The following HERC1 variants were observed in gnomAD, a reference collection of about 807,000 sequenced individuals.
The protein encoded by HERC1 is probable E3 ubiquitin-protein ligase HERC1.
Under a neutral mutation model 554.3 loss-of-function variants are expected in HERC1, and 160 were observed. The observed-to-expected ratio is 0.29, with a 90% CI of 0.25 to 0.33. The LOEUF (loss-of-function observed/expected upper bound fraction) is 0.33, where lower values mean the gene tolerates loss of function less well. Ranked by LOEUF, HERC1 falls within the 10% of genes least tolerant of loss-of-function variation. The pLI is 1.00. For synonymous variants in HERC1, 2,175 were observed against 2,131.7 expected (o/e 1.02, Z -0.56); for missense variants, 4,919 against 5,918.5 (o/e 0.83, Z 5.54).
At chr15:63,638,085 C>T (rs1485454600) in intron 63 of HERC1, among the ~76,000 whole-genome samples, 2 of 152,094 alleles carry the variant, frequency 1.3e-5, no homozygotes, top group South Asian at 2.1e-4. Flanking sequence ...TAAAATCTGG[C>T]TAAAGATCCT....
At chr15:63,751,375 A>C in intron 8 of HERC1, among the ~76,000 whole-genome samples, 1 of 152,200 alleles carries the variant, frequency 6.6e-6, no homozygotes, top group South Asian at 2.1e-4. Context: ...TACACCATCT[A>C]GGTTTGTGTG....
At chr15:63,614,528 T>C (rs564090335) in intron 76 of HERC1, among the ~76,000 whole-genome samples, 82 of 152,328 alleles carry the variant, frequency 5.4e-4, no homozygotes, top group African/African-American at 1.8e-3. Context: ...GCTAAAGATA[T>C]CATTTTTCTG....
At chr15:63,803,864 T>A (rs1227133053) in intron 1 of HERC1, among the ~76,000 whole-genome samples, 1 of 152,320 alleles carries the variant, frequency 6.6e-6, no homozygotes, top group African/African-American at 2.4e-5. Context: ...ACTTTTAAGC[T>A]TATTATTAAT....
At chr15:63,643,240 T>C (rs1383215699) in intron 58 of HERC1, among the ~76,000 whole-genome samples, 164 bp downstream of exon 58, 1 of 152,216 alleles carries the variant, frequency 6.6e-6, no homozygotes, top group Non-Finnish European at 1.5e-5. Flanking sequence ...AAAACACTTA[T>C]CATCAGTAAG....
rs1231906750 is a variant in HERC1, at chr15:63,616,475, A to C, written c.13896T>G (p.Ile4632Met). ...TAATCCCACTGTCTTCAATGTGAAG[A>C]ATGCTGTTGAGAGTCTGCACGTAGA... ...DLLYVQTLNS[I>M]LHIEDSGITE... The change falls in exon 75 of 78, where the codon ATT (isoleucine) becomes ATG (methionine). Residue 4632 changes from isoleucine (I) to methionine (M), a missense_variant. By Grantham distance (10) the Ile-to-Met change is conservative (BLOSUM62 1). Around this residue, in one of 11 missense-constraint regions of HERC1, gnomAD observed 284 missense variants for 294.1 expected, o/e 0.97. Coordinates refer to ENST00000443617, the MANE Select transcript of HERC1 (RefSeq NM_003922.4). The C allele has an allele frequency of 6.2e-7, 1 of 1,613,876 alleles. No individual in the cohort carries two copies.
At chr15:63,833,430 C>T (rs1459996787) in intron 1 of HERC1, among the ~76,000 whole-genome samples, 1 of 152,108 alleles carries the variant, frequency 6.6e-6, no homozygotes, top group Admixed American at 6.5e-5. Context: ...GAGCCCCAGC[C>T]GGGGCAGAGG....
Position 63,654,123 on chromosome 15 carries a change from T to C in HERC1, c.10286A>G (p.Asn3429Ser), listed in dbSNP as rs1270558868. Residue 3429 changes from asparagine (N) to serine (S), a missense_variant, in exon 51 of 78, where the codon AAC becomes AGC. Around this residue, in one of 11 missense-constraint regions of HERC1, gnomAD observed 1,963 missense variants for 2,228.6 expected, o/e 0.88. Transcript: ENST00000443617. The stretch of plus-strand genomic sequence containing the variant: ...CTTTCCACTCAAAATACTTACTCTG[T>C]TCTGATGAGCCTCCAATTTGATAAA... ...CSFIKLEAHQ[N>S]RVMTCVWCNK... 1.9e-6 allele frequency: 3 copies of C among 1,610,358 alleles called. No individual in the cohort carries two copies. Among genetic ancestry groups the C allele is most frequent in the Non-Finnish European group, 2.5e-6 (3 of 1,176,596 alleles).
chr15:63,833,802 G>A (rs937488008), intron 1 of HERC1, 25 bp downstream of exon 1: 1 of 148,126 alleles, frequency 6.8e-6, no homozygotes, highest in Non-Finnish European at 1.5e-5. Flanking sequence ...GGACCAGGAG[G>A]ACGGTAGATG....
chr15:63,631,160 T>C lies in HERC1; in HGVS notation c.12797-525A>G, dbSNP rs568719092. On this transcript the variant is annotated intron_variant, in intron 68 of 77. Coordinates refer to ENST00000443617, the MANE Select transcript of HERC1 (RefSeq NM_003922.4). ...TGCCTGGCTAATTTTAAGTTTCTTA[T>C]ATTCTAAAATGAGAGATCATTCAAC... Among the ~76,000 whole-genome samples, 5 of 152,310 alleles carry C rather than the reference T, an allele frequency of 3.3e-5. No individual in the cohort carries two copies. The East Asian group carries it at 9.6e-4, about 29-fold the overall frequency.
In HERC1 at chr15:63,675,039, C is replaced by T. The variant is rs777341695; in HGVS notation, c.7149G>A (p.Ala2383=). ...CAGAAGCCGTCAGGCCTCGGAATCG[C>T]GCCACATCAAACGGCAATGGTTCAC... ...EPCEPLPFDV[A]RFRGLTASVL... is the part of the protein sequence containing the mutation. The change falls in exon 38 of 78, where the codon GCG becomes GCA. Residue 2383 remains alanine, a synonymous_variant. Transcript: ENST00000443617. 12 of 1,613,962 alleles carry T rather than the reference C, an allele frequency of 7.4e-6. No homozygotes were observed. The highest frequency in any genetic ancestry group is 1.6e-4 in the Middle Eastern group (1 of 6,062).
In HERC1 at chr15:63,659,929, C is replaced by T; in HGVS notation, c.9231G>A (p.Trp3077Ter). The change falls in exon 47 of 78, where the codon TGG (tryptophan) becomes TGA (stop). Residue 3077 changes from tryptophan to a stop codon, truncating the protein, a stop_gained. Coordinates refer to ENST00000443617, the MANE Select transcript of HERC1 (RefSeq NM_003922.4). LOFTEE classifies it high-confidence loss of function. ...CATCTTCATCAACATCCAACATGTC[C>T]CAGTCTTCTGGAATTTAAATAAATA... ...GKQDSVYEED[W>*]DMLDVDEDEK... is the part of the protein sequence containing the mutation. The T allele has an allele frequency of 6.2e-7, 1 of 1,606,544 alleles. No homozygotes were observed. Among genetic ancestry groups the T allele is most frequent in the Non-Finnish European group, 8.5e-7 (1 of 1,173,606 alleles).
intron 3 of HERC1, among the ~76,000 whole-genome samples, chr15:63,761,808 C>T (rs1485801056): frequency 6.6e-6 from 1 of 152,062 alleles, no homozygotes; most frequent in African/African-American, 2.4e-5. Flanking sequence ...TAATTCTCAT[C>T]CTTGTATCTT....
At chr15:63,771,585 C>T (rs1208645847) in intron 2 of HERC1, among the ~76,000 whole-genome samples, 1 of 151,952 alleles carries the variant, frequency 6.6e-6, no homozygotes, top group East Asian at 2.0e-4. Context: ...GCACCTGCCA[C>T]CATGCCTGGC....
intron 71 of HERC1, 23 bp downstream of exon 71, chr15:63,625,962 T>C: frequency 1.3e-6 from 2 of 1,594,434 alleles, no homozygotes; most frequent in Non-Finnish European, 1.7e-6. Flanking sequence ...TGTGCCTGGC[T>C]GCTTACCACG....
At chr15:63,788,157 T>A (rs1567127986) in intron 1 of HERC1, among the ~76,000 whole-genome samples, 1 of 152,118 alleles carries the variant, frequency 6.6e-6, no homozygotes, top group Non-Finnish European at 1.5e-5. Context: ...AAAAGACAGT[T>A]AACAAACAAA....
rs147432232 is a variant in HERC1 at position 63,739,849 on chromosome 15, G to A, written c.2521-5000C>T. On this transcript the variant is annotated intron_variant, in intron 12 of 77. Coordinates refer to ENST00000443617, the MANE Select transcript of HERC1 (RefSeq NM_003922.4). ...CAAGACTCTGTCAAACAAACAAATA[G>A]ATAAATAAATAAATGGACTTACACA... Among the ~76,000 whole-genome samples the A allele has an allele frequency of 3.6e-4, 54 of 151,972 alleles. No homozygotes were observed. In the East Asian group the frequency reaches 8.6e-3, roughly 24 times the overall value.
intron 2 of HERC1, 71 bp downstream of exon 2, chr15:63,774,623 A>G (rs1405907900): frequency 9.1e-7 from 1 of 1,097,110 alleles, no homozygotes; most frequent in Non-Finnish European, 1.3e-6. Context: ...ATTACCACCA[A>G]TTCATTAAAA....
In HERC1 at chr15:63,655,954, T is replaced by C; in HGVS notation, c.9872A>G (p.Asn3291Ser). 1.2e-6 allele frequency: 2 copies of C among 1,609,922 alleles called. No individual in the cohort carries two copies. Among genetic ancestry groups the C allele is most frequent in the Non-Finnish European group, 1.7e-6 (2 of 1,177,378 alleles). Reference protein sequence around the residue: ...AKLLVQLCTQNLISAATGVNL... With the variant: ...AKLLVQLCTQSLISAATGVNL... ...TACACCTGTTGCAGCAGAAATCAAG[T>C]TCTGAAGAAGCAATTGGAAAAACAG... is the stretch of plus-strand genomic sequence containing the variant. Residue 3291 changes from asparagine (N) to serine (S), a missense_variant and splice_region_variant, in exon 50 of 78, where the codon AAC becomes AGC. Coordinates refer to ENST00000443617, the MANE Select transcript of HERC1 (RefSeq NM_003922.4).
intron 1 of HERC1, among the ~76,000 whole-genome samples, chr15:63,825,110 AG>A (rs2077848037): frequency 6.6e-6 from 1 of 152,142 alleles, no homozygotes; most frequent in African/African-American, 2.4e-5. Context: ...GGAGTTCGAG[AG>A]CAGTCTGGCC....
Sources: gnomAD v4.1 joint callset for allele counts (sites outside exome capture counted in the v4.1 genomes callset) on GRCh38, gnomAD v4.1.1 for gene constraint, gnomAD v4.1.1 regional missense constraint, MANE v1.5 for transcripts, NCBI Gene and HGNC (gene_info 2026-07-23, HGNC 2026-07-21) for gene names.